Variants in TMEM178A observed in about 807,000 individuals in gnomAD.
The protein encoded by TMEM178A is transmembrane protein 178A.
A neutral mutation model predicts 29.1 loss-of-function variants in TMEM178A; 12 were observed. The ratio of observed to expected loss-of-function variants is 0.41; its 90% CI spans 0.26 to 0.67. The LOEUF is 0.67. Ranked by LOEUF, TMEM178A falls within the 30% of genes least tolerant of loss-of-function variation. The pLI is 0.29. For synonymous variants in TMEM178A, 210 were observed against 187.2 expected, an observed-to-expected ratio of 1.12 and a Z score of -0.99; for missense variants, 366 against 419.1, an observed-to-expected ratio of 0.87 and a Z score of 1.11.
At chr2:39,696,321 A>G (rs935117437) in intron 1 of TMEM178A, among the ~76,000 whole-genome samples, 16 of 152,110 alleles carry the variant, frequency 1.1e-4, no homozygotes, top group African/African-American at 3.9e-4. Flanking sequence ...CACTTGGGTT[A>G]ATCTGTGATG....
intron 2 of TMEM178A, 73 bp downstream of exon 2, chr2:39,704,267 A>G (rs1671930837): frequency 8.0e-7 from 1 of 1,250,724 alleles, no homozygotes. Context: ...CCCCTCTCAC[A>G]TCTGGACAGA....
At chr2:39,687,023 A>C (rs1671109908) in intron 1 of TMEM178A, among the ~76,000 whole-genome samples, 1 of 148,334 alleles carries the variant, frequency 6.7e-6, no homozygotes, top group Non-Finnish European at 1.5e-5. Flanking sequence ...GTGTATTATG[A>C]GATGCAGTGA....
intron 1 of TMEM178A, among the ~76,000 whole-genome samples, chr2:39,681,887 A>AT (rs1483467455): frequency 6.6e-6 from 1 of 152,246 alleles, no homozygotes; most frequent in Non-Finnish European, 1.5e-5. Context: ...GCTGGTAGTT[A>AT]TCACCTGTCT....
intron 3 of TMEM178A, 147 bp from the exon 4 acceptor site, chr2:39,716,862 TA>T: frequency 9.7e-7 from 1 of 1,031,560 alleles, no homozygotes; most frequent in East Asian, 2.5e-5. Context: ...TTATATGAAT[TA>T]ATTCAAGTAA....
intron 1 of TMEM178A, among the ~76,000 whole-genome samples, chr2:39,674,508 T>C (rs187088005): frequency 7.5e-4 from 114 of 152,254 alleles, no homozygotes; most frequent in Non-Finnish European, 1.4e-3. Flanking sequence ...CTTTGGGGAC[T>C]TGGGAGGAAG....
In TMEM178A at chr2:39,717,921, A is replaced by T. The variant is rs1275228539; in HGVS notation, c.*670A>T. ...CCTGTTGTTCAACCTCTGTCTCTTTATGTTAACTGGATTTCTGCATTAAAT... is the reference window on the plus strand; with the variant it reads ...CCTGTTGTTCAACCTCTGTCTCTTTTTGTTAACTGGATTTCTGCATTAAAT... On this transcript the variant is annotated 3_prime_UTR_variant, in exon 4 of 4. Coordinates refer to ENST00000281961, the MANE Select transcript of TMEM178A (RefSeq NM_152390.3). The T allele has an allele frequency of 1.3e-5, 2 of 152,430 alleles. No individual in the cohort carries two copies. Among genetic ancestry groups the T allele is most frequent in the Non-Finnish European group, 2.9e-5 (2 of 68,018 alleles). The allele number at this position is 152,430 out of a possible 1,614,324, so 9.4% of individuals were successfully genotyped here.
intron 1 of TMEM178A, among the ~76,000 whole-genome samples, chr2:39,703,750 A>T (rs1671898197): frequency 6.6e-6 from 1 of 152,224 alleles, no homozygotes; most frequent in Non-Finnish European, 1.5e-5. Context: ...TGTGTGATTT[A>T]TCTGTGCTAA....
Position 39,666,253 on chromosome 2 carries a change from C to T in TMEM178A, c.279C>T (p.Leu93=). 5.1e-6 allele frequency: 7 copies of T among 1,383,554 alleles called. No individual in the cohort carries two copies. Among genetic ancestry groups the T allele is most frequent in the East Asian group, 6.3e-5 (2 of 31,520 alleles). The allele number at this position is 1,383,554 out of a possible 1,614,324, so 85.7% of individuals were successfully genotyped here. The change falls in exon 1 of 4, where the codon CTC becomes CTT. Residue 93 remains leucine, a synonymous_variant. Transcript: ENST00000281961. ...GRADPESWRS[L]LGLGGLDAEC... ...CCGACCCCGAGTCCTGGCGCTCGCT[C>T]CTGGGGCTCGGCGGGCTGGACGCCG...
intron 1 of TMEM178A, among the ~76,000 whole-genome samples, chr2:39,697,318 CT>C (rs1294021327): frequency 6.6e-6 from 1 of 152,146 alleles, no homozygotes; most frequent in African/African-American, 2.4e-5. Context: ...AATAATATTG[CT>C]TTCCTCTTCA....
At chr2:39,727,951 C>T in the TMEM178A span, among the ~76,000 whole-genome samples, 1 of 152,162 alleles carries the variant, frequency 6.6e-6, no homozygotes, top group African/African-American at 2.4e-5. Context: ...TTTTCTTAAT[C>T]CAGTCTATCA....
At chr2:39,732,208 G>A in the TMEM178A span, among the ~76,000 whole-genome samples, 1 of 152,160 alleles carries the variant, frequency 6.6e-6, no homozygotes, top group African/African-American at 2.4e-5. Flanking sequence ...TTCACCCTGA[G>A]TGGGGCTGCA....
At position 39,700,129 on chromosome 2, in the gene TMEM178A, A is replaced by G. The variant is rs565235293; in HGVS notation, c.401-3952A>G. Among the ~76,000 whole-genome samples, 3 of 152,234 alleles carry G rather than the reference A, an allele frequency of 2.0e-5. No homozygotes were observed. In the South Asian group the frequency reaches 6.2e-4, roughly 32 times the overall value. On this transcript the variant is annotated intron_variant, in intron 1 of 3. Transcript: ENST00000281961. ...AGAATGTGTATTTTGCTGTTGTTGG[A>G]TGGAGTGTTCATAGATGTCTCTTGT...
the TMEM178A span, among the ~76,000 whole-genome samples, chr2:39,729,161 CA>C: frequency 1.3e-5 from 2 of 152,162 alleles, no homozygotes; most frequent in Non-Finnish European, 2.9e-5. Context: ...GAACACCATC[CA>C]AACCATACAA....
downstream of TMEM178A, among the ~76,000 whole-genome samples, chr2:39,719,860 C>A (rs1672668873): frequency 6.6e-6 from 1 of 152,046 alleles, no homozygotes; most frequent in Non-Finnish European, 1.5e-5. Flanking sequence ...ATATGGGAAA[C>A]CTCCACAGAA....
intron 3 of TMEM178A, among the ~76,000 whole-genome samples, chr2:39,709,454 C>A (rs901124802): frequency 2.0e-5 from 3 of 152,154 alleles, no homozygotes; most frequent in African/African-American, 7.2e-5. Context: ...CACAGGGAGG[C>A]TAAAATGTTA....
At chr2:39,704,250 C>A (rs1671929614) in intron 2 of TMEM178A, 56 bp downstream of exon 2, 2 of 1,422,788 alleles carry the variant, frequency 1.4e-6, no homozygotes, top group Non-Finnish European at 2.0e-6. Flanking sequence ...GAACAAAATT[C>A]CCACCACCCC....
chr2:39,702,243 A>C (rs142168237), intron 1 of TMEM178A, among the ~76,000 whole-genome samples: 1 of 152,108 alleles, frequency 6.6e-6, no homozygotes, highest in African/African-American at 2.4e-5. Flanking sequence ...AACGAATCCT[A>C]TGAAGTCTAT....
chr2:39,698,137 G>C (rs1273140255), intron 1 of TMEM178A: 1 of 152,196 alleles, frequency 6.6e-6, no homozygotes, highest in Admixed American at 6.5e-5. Context: ...AGCAACTCTA[G>C]CTTAACTATC....
At chr2:39,688,820 T>G (rs927845129) in intron 1 of TMEM178A, among the ~76,000 whole-genome samples, 1 of 152,314 alleles carries the variant, frequency 6.6e-6, no homozygotes, top group African/African-American at 2.4e-5. Context: ...ATAGAACAGA[T>G]TCTCTTTGTA....
Sources: allele counts gnomAD v4.1 joint callset (sites outside exome capture counted in the v4.1 genomes callset), GRCh38; gene constraint gnomAD v4.1.1; transcripts MANE v1.5; gene names NCBI Gene and HGNC (gene_info 2026-07-23, HGNC 2026-07-21).